Variants in CD300C observed in about 807,000 individuals in gnomAD.
CD300C encodes CMRF35-like molecule 6.
CD300C carries 11 observed loss-of-function variants against 18.4 expected under a neutral mutation model. That is an observed-to-expected ratio of 0.60 (90% confidence interval 0.38 to 0.99). The LOEUF (loss-of-function observed/expected upper bound fraction) is 0.99, where lower values mean the gene tolerates loss of function less well. Among genes scored for constraint, CD300C ranks in the 50% least tolerant of loss-of-function variants. The probability of loss-of-function intolerance (pLI) is 0.01; values close to 1 mark genes in which losing one functional copy is unlikely to be tolerated. For missense variants in CD300C, 277 were observed against 287.4 expected (o/e 0.96, Z 0.26); for synonymous variants, 116 against 116.3 (o/e 1.00, Z 0.02).
downstream of CD300C, among the ~76,000 whole-genome samples, chr17:74,536,370 A>G (rs995053087): frequency 6.6e-6 from 1 of 152,044 alleles, no homozygotes; most frequent in Non-Finnish European, 1.5e-5. Flanking sequence ...CGTCTCTACT[A>G]AAAATTCAAA....
chr17:74,538,663 T>A (rs574150665), downstream of CD300C, among the ~76,000 whole-genome samples: 5 of 152,272 alleles, frequency 3.3e-5, no homozygotes, highest in East Asian at 9.7e-4. Context: ...TCCACAAGAA[T>A]CTCTACCAAA....
At chr17:74,540,402 A>G (rs1272937632), downstream of CD300C, among the ~76,000 whole-genome samples, 2 of 152,128 alleles carry the variant, frequency 1.3e-5, no homozygotes, top group African/African-American at 2.4e-5. Flanking sequence ...GCATTTGTTT[A>G]TCATTTCTAT....
At chr17:74,535,863 T>A in the CD300C span, among the ~76,000 whole-genome samples, 1 of 152,198 alleles carries the variant, frequency 6.6e-6, no homozygotes, top group Non-Finnish European at 1.5e-5. Flanking sequence ...AATGTTGTCT[T>A]GGTTCCAAAA....
intron 1 of CD300C, 38 bp from the exon 2 acceptor site, chr17:74,544,985 A>G (rs2143156377): frequency 1.3e-6 from 2 of 1,559,208 alleles, no homozygotes; most frequent in East Asian, 4.5e-5. Flanking sequence ...TCCTTACCAG[A>G]GGGGCCTGGT....
intron 3 of CD300C, 91 bp from the exon 4 acceptor site, chr17:74,541,827 G>C (rs1328799283): frequency 1.5e-5 from 21 of 1,435,276 alleles, no homozygotes; most frequent in Non-Finnish European, 1.8e-5. Flanking sequence ...TCCCAATCCT[G>C]TGACCACAGC....
downstream of CD300C, among the ~76,000 whole-genome samples, chr17:74,537,958 A>G (rs1221400792): frequency 6.6e-6 from 1 of 152,172 alleles, no homozygotes; most frequent in Non-Finnish European, 1.5e-5. Context: ...AAAATGTAGG[A>G]TGTGGTTTTC....
chr17:74,544,306 G>T (rs1379802541), intron 2 of CD300C, among the ~76,000 whole-genome samples: 1 of 151,890 alleles, frequency 6.6e-6, no homozygotes, highest in Non-Finnish European at 1.5e-5. Flanking sequence ...AAAGTTTCAG[G>T]CCTGAGGCCG....
downstream of CD300C, among the ~76,000 whole-genome samples, chr17:74,536,964 G>A (rs1908395541): frequency 3.3e-5 from 5 of 152,072 alleles, no homozygotes; most frequent in South Asian, 1.0e-3. Context: ...AGAAAAGGAG[G>A]AGGAGGAAGA....
At chr17:74,544,988 G>C (rs751133840) in intron 1 of CD300C, 41 bp from the exon 2 acceptor site, 6 of 1,547,896 alleles carry the variant, frequency 3.9e-6, no homozygotes, top group Non-Finnish European at 5.3e-6. Context: ...TTACCAGAGG[G>C]GCCTGGTCAG....
At chr17:74,545,258 CTG>C (rs1490168059) in intron 1 of CD300C, among the ~76,000 whole-genome samples, 2 of 149,526 alleles carry the variant, frequency 1.3e-5, no homozygotes, top group African/African-American at 4.9e-5. Context: ...GTGAGTGTGA[CTG>C]TGTGTGACTG....
chr17:74,545,622 G>GC (rs1343127730), intron 1 of CD300C, 100 bp downstream of exon 1: 1 of 946,964 alleles, frequency 1.1e-6, no homozygotes, highest in Non-Finnish European at 1.6e-6. Flanking sequence ...CCCTCTCCCT[G>GC]CCCCACTCCC....
At chr17:74,542,584 C>G (rs920036987) in intron 3 of CD300C, among the ~76,000 whole-genome samples, 2 of 152,272 alleles carry the variant, frequency 1.3e-5, no homozygotes, top group Non-Finnish European at 2.9e-5. Context: ...ATTCATTACC[C>G]TTTGCTGTAT....
chr17:74,538,734 T>C (rs1395867398), downstream of CD300C, among the ~76,000 whole-genome samples: 1 of 152,200 alleles, frequency 6.6e-6, no homozygotes, highest in Non-Finnish European at 1.5e-5. Flanking sequence ...TGGATATCTG[T>C]CGAATGCCTG....
chr17:74,545,278 A>T, intron 1 of CD300C, among the ~76,000 whole-genome samples: 1 of 145,702 alleles, frequency 6.9e-6, no homozygotes, highest in Non-Finnish European at 1.5e-5. Flanking sequence ...CTGTGTGTGC[A>T]TGTGTGACTG....
chr17:74,541,825 C>A, intron 3 of CD300C, 89 bp from the exon 4 acceptor site: 1 of 1,450,690 alleles, frequency 6.9e-7, no homozygotes. Flanking sequence ...TGTCCCAATC[C>A]TGTGACCACA....
At chr17:74,539,607 C>T (rs967368453), downstream of CD300C, among the ~76,000 whole-genome samples, 1 of 152,216 alleles carries the variant, frequency 6.6e-6, no homozygotes, top group Non-Finnish European at 1.5e-5. Flanking sequence ...CACACAGGTC[C>T]TGGCAGCCCC....
At chr17:74,535,974 A>G in the CD300C span, among the ~76,000 whole-genome samples, 5 of 152,242 alleles carry the variant, frequency 3.3e-5, no homozygotes, top group Admixed American at 1.3e-4. Flanking sequence ...GATTGCTGGG[A>G]AAATGTGGAT....
At chr17:74,542,790 C>A in intron 3 of CD300C, 71 bp downstream of exon 3, 2 of 1,515,170 alleles carry the variant, frequency 1.3e-6, no homozygotes, top group South Asian at 1.2e-5. Context: ...AAGGGACATC[C>A]GAGTCCCCTA....
rs763725533 is a variant in CD300C, at chr17:74,544,447, A to T, written c.400+162T>A. ...CACCACAACTCCTATGCAGGCACGC[A>T]TACACAAAGACGCACTCACACTCAT... On this transcript the variant is annotated intron_variant, in intron 2 of 3. Transcript: ENST00000330793. Among the ~76,000 whole-genome samples the T allele has an allele frequency of 7.2e-5, 11 of 152,120 alleles. No individual in the cohort carries two copies. The highest frequency in any genetic ancestry group is 1.5e-4 in the Non-Finnish European group (10 of 68,012).
Sources: allele counts gnomAD v4.1 joint callset (sites outside exome capture counted in the v4.1 genomes callset), GRCh38; gene constraint gnomAD v4.1.1; transcripts MANE v1.5; gene names NCBI Gene and HGNC (gene_info 2026-07-23, HGNC 2026-07-21).